The following CLK2 variants were observed in gnomAD, a reference collection of about 807,000 sequenced individuals.
CLK2 encodes CDC like kinase 2.
Under a neutral mutation model 73.5 loss-of-function variants are expected in CLK2, and 12 were observed. That is an observed-to-expected ratio of 0.16 (90% CI 0.10 to 0.26). The LOEUF is 0.26. Ranked by LOEUF, CLK2 falls within the 10% of genes least tolerant of loss-of-function variation. The pLI is 1.00. For missense variants in CLK2, 509 were observed against 688.4 expected (o/e 0.74, Z 2.92); for synonymous variants, 232 against 237.9 (o/e 0.98, Z 0.23).
Position 155,265,974 on chromosome 1 carries a change from G to T in CLK2, c.839-20C>A. On this transcript the variant is annotated intron_variant, in intron 7 of 12. Coordinates refer to ENST00000368361, the MANE Select transcript of CLK2 (RefSeq NM_001294338.2). ...GGAGGACTGTAGGGGAGAAGGCCAG[G>T]TCAGGCTTGGTGCAGGTGGCCAGAG... 6.4e-7 allele frequency: 1 copy of T among 1,557,296 alleles called. No individual in the cohort carries two copies. The highest frequency in any genetic ancestry group is 1.4e-5 in the African/African-American group (1 of 73,848).
chr1:155,270,778 G>C (rs773378165), intron 2 of CLK2, 30 bp downstream of exon 2: 1 of 1,591,058 alleles, frequency 6.3e-7, no homozygotes, highest in South Asian at 1.1e-5. Context: ...GAGTGACCCT[G>C]TGTTTGAGTA....
At chr1:155,269,217 C>T (rs1572019314) in intron 3 of CLK2, 1 of 592,226 alleles carries the variant, frequency 1.7e-6, no homozygotes, top group African/African-American at 1.9e-5. Context: ...AGAGTGGAGG[C>T]CGCTGGGGCG....
Position 155,263,012 on chromosome 1 carries a change from G to T in CLK2, c.*206C>A. ...GGCAGGTGAGGGTGGAAACTGTGTG[G>T]ATGGAATAGTATTATGTACAAGGCA... On this transcript the variant is annotated 3_prime_UTR_variant, in exon 13 of 13. Transcript: ENST00000368361. 1.9e-6 allele frequency: 1 copy of T among 515,480 alleles called. No individual in the cohort carries two copies. The highest frequency in any genetic ancestry group is 3.3e-6 in the Non-Finnish European group (1 of 302,852). The allele number at this position is 515,480 out of a possible 1,614,324, so 31.9% of individuals were successfully genotyped here.
chr1:155,269,373 C>A (rs547787532), intron 3 of CLK2, 115 bp downstream of exon 3: 2 of 902,120 alleles, frequency 2.2e-6, no homozygotes, highest in East Asian at 2.5e-5. Context: ...ACTCAGTGCC[C>A]ACCTCAGTGT....
At chr1:155,265,263 C>T (rs1220091837) in intron 8 of CLK2, among the ~76,000 whole-genome samples, 3 of 152,100 alleles carry the variant, frequency 2.0e-5, no homozygotes, top group Non-Finnish European at 2.9e-5. Context: ...CACAGAAATA[C>T]ACATCTCAAA....
Position 155,268,644 on chromosome 1 carries a change from T to G in CLK2, c.487+64A>C. On this transcript the variant is annotated intron_variant, in intron 4 of 12. Transcript: ENST00000368361. This position sits in a 1 kb window ranked among gnomAD's most constrained non-coding sequence, Gnocchi z 5.6. ...GCAAGAGGCTGTGACTCAGGTTGGC[T>G]TGGGACGTTAGGATGGCTATGGGAC... 1 of 1,471,564 alleles carries G rather than the reference T, an allele frequency of 6.8e-7. No individual in the cohort carries two copies. The highest frequency in any genetic ancestry group is 1.1e-5 in the South Asian group (1 of 88,198). 91.2% of individuals were successfully genotyped at this position (1,471,564 alleles called of 1,614,324 possible). A position where few individuals can be genotyped will look rare whatever the true frequency, so the allele number is the denominator to read the frequency against.
intron 8 of CLK2, among the ~76,000 whole-genome samples, chr1:155,265,145 C>T (rs1033824788): frequency 6.6e-6 from 1 of 152,006 alleles, no homozygotes; most frequent in African/African-American, 2.4e-5. Flanking sequence ...AAAGGAGTTT[C>T]TCTAAAAATA....
chr1:155,264,597 C>A, intron 9 of CLK2, 47 bp from the exon 10 acceptor site: 1 of 1,614,204 alleles, frequency 6.2e-7, no homozygotes, highest in Non-Finnish European at 8.5e-7. Context: ...TTAGGTGGCC[C>A]CACCCTCACA....
chr1:155,270,828 G>A lies in CLK2; in HGVS notation c.150C>T (p.Ser50=), dbSNP rs2148146277. The A allele has an allele frequency of 6.2e-7, 1 of 1,611,474 alleles. No individual in the cohort carries two copies. Among genetic ancestry groups the A allele is most frequent in the Admixed American group, 1.7e-5 (1 of 59,994 alleles). The change falls in exon 2 of 13, where the codon AGC becomes AGT. Residue 50 remains serine (S), a synonymous_variant. Coordinates refer to ENST00000368361, the MANE Select transcript of CLK2 (RefSeq NM_001294338.2). ...CTCACCTTCGAGAACGGACATGGTA[G>A]CTGTCCTCTCGCCGACGCCGTCGTG... The part of the protein sequence containing the change: ...DRTRRRRRED[S]YHVRSRSSYD...
At chr1:155,267,607 A>G (rs542359627) in intron 6 of CLK2, among the ~76,000 whole-genome samples, 2 of 152,260 alleles carry the variant, frequency 1.3e-5, no homozygotes, top group Admixed American at 1.3e-4. Flanking sequence ...TAAAGTCCTT[A>G]TTCTATTTTT....
rs1448426223 is a variant in CLK2, at chr1:155,263,208, G to C, written c.*10C>G. ...CTATAAAAGATGCAGGGGGGCCCAG[G>C]GCCTGATCGTCACCGACTGATATCC... On this transcript the variant is annotated 3_prime_UTR_variant, in exon 13 of 13. Coordinates refer to ENST00000368361, the MANE Select transcript of CLK2 (RefSeq NM_001294338.2). 4 of 1,609,956 alleles carry C rather than the reference G, an allele frequency of 2.5e-6. No individual in the cohort carries two copies. In the East Asian group the frequency reaches 8.9e-5, roughly 36 times the overall value.
At position 155,263,984 on chromosome 1, in the gene CLK2, C is replaced by T. The variant is rs374761483; in HGVS notation, c.1283G>A (p.Gly428Glu). 3 of 1,614,174 alleles carry T rather than the reference C, an allele frequency of 1.9e-6. No homozygotes were observed. The highest frequency in any genetic ancestry group is 2.5e-6 in the Non-Finnish European group (3 of 1,180,032). Residue 428 changes from glycine to glutamate, a missense_variant, in exon 12 of 13, where the codon GGG becomes GAG. Coordinates refer to ENST00000368361, the MANE Select transcript of CLK2 (RefSeq NM_001294338.2). ...TTTGCAGTTCTCACGAACATAGCGC[C>T]CAGCTGATGTGTTCTCATCCCAATC... is the stretch of plus-strand genomic sequence containing the variant. Reference protein sequence around the residue: ...RLDWDENTSAGRYVRENCKPL... With the variant: ...RLDWDENTSAERYVRENCKPL...
Position 155,268,843 on chromosome 1 carries a change from GGCCGGAGGGAGGCGGGGT to G in CLK2, c.400-66_400-49del. ...GGAGCAAGCCAGGTGTCGGAGCGGG[GGCCGGAGGGAGGCGGGGT>G]GGGTGGTAGAGGGGTCACCGGTCAC... is the stretch of plus-strand genomic sequence containing the variant. On this transcript the variant is annotated intron_variant, in intron 3 of 12. Coordinates refer to ENST00000368361, the MANE Select transcript of CLK2 (RefSeq NM_001294338.2). This position sits in a 1 kb window ranked among gnomAD's most constrained non-coding sequence, Gnocchi z 5.6. The G allele has an allele frequency of 1.5e-6, 2 of 1,311,416 alleles. No homozygotes were observed. Among genetic ancestry groups the G allele is most frequent in the Non-Finnish European group, 2.2e-6 (2 of 916,588 alleles). 81.2% of individuals were successfully genotyped at this position (1,311,416 alleles called of 1,614,324 possible).
rs1673075060 is a variant in CLK2 at position 155,263,388 on chromosome 1, A to AG, written c.1329dup (p.Ser444LeufsTer14). 6.2e-7 allele frequency: 1 copy of AG among 1,613,970 alleles called. No individual in the cohort carries two copies. Among genetic ancestry groups the AG allele is most frequent in the Non-Finnish European group, 8.5e-7 (1 of 1,180,034 alleles). ...AGCTGGTGGTGTTCCTCTGCCTCTG[A>AG]GGTCAGATACCGCTGGTGGAGGAGG... is the stretch of plus-strand genomic sequence containing the variant. On this transcript the variant is annotated frameshift_variant, in exon 13 of 13. Coordinates refer to ENST00000368361, the MANE Select transcript of CLK2 (RefSeq NM_001294338.2). LOFTEE classifies it high-confidence loss of function.
rs747366037 is a variant in CLK2, at chr1:155,263,994, T to C, written c.1273A>G (p.Thr425Ala). The change falls in exon 12 of 13, where the codon ACA becomes GCA. Residue 425 changes from threonine (T) to alanine (A), a missense_variant. This residue lies in a region of CLK2 where 134 missense variants were observed against 146.0 expected (regional missense o/e 0.92). Coordinates refer to ENST00000368361, the MANE Select transcript of CLK2 (RefSeq NM_001294338.2). ...YRGRLDWDEN[T>A]SAGRYVRENC... ...TCACGAACATAGCGCCCAGCTGATG[T>C]GTTCTCATCCCAATCCAGGCGACCC... is the stretch of plus-strand genomic sequence containing the variant. 7.4e-6 allele frequency: 12 copies of C among 1,614,220 alleles called. No individual in the cohort carries two copies. The South Asian group carries it at 1.3e-4, about 18-fold the overall frequency.
At chr1:155,269,351 G>T in intron 3 of CLK2, 137 bp downstream of exon 3, 1 of 753,502 alleles carries the variant, frequency 1.3e-6, no homozygotes, top group Non-Finnish European at 2.2e-6. Flanking sequence ...GAGCTTCCAA[G>T]AAAGTAGGCA....
At chr1:155,272,988 A>C (rs1379099030) in intron 1 of CLK2, among the ~76,000 whole-genome samples, 2 of 151,930 alleles carry the variant, frequency 1.3e-5, no homozygotes, top group Non-Finnish European at 2.9e-5. Flanking sequence ...CATCCCTTCT[A>C]GTCTGGTTCC....
Position 155,268,861 on chromosome 1 carries a change from T to TGGGTGGGGGGGCGGGGGGGTGGGGGGGG in CLK2, c.400-67_400-66insCCCCCCCCACCCCCCCGCCCCCCCACCC. The TGGGTGGGGGGGCGGGGGGGTGGGGGGGG allele has an allele frequency of 4.2e-6, 1 of 237,798 alleles. No individual in the cohort carries two copies. The highest frequency in any genetic ancestry group is 7.1e-5 in the African/African-American group (1 of 14,182). The allele number at this position is 237,798 out of a possible 1,614,324, so 14.7% of individuals were successfully genotyped here. A position where few individuals can be genotyped will look rare whatever the true frequency, so the allele number is the denominator to read the frequency against. ...GAGCGGGGGCCGGAGGGAGGCGGGG[T>TGGGTGGGGGGGCGGGGGGGTGGGGGGGG]GGGTGGTAGAGGGGTCACCGGTCAC... On this transcript the variant is annotated intron_variant, in intron 3 of 12. Transcript: ENST00000368361. This position sits in a 1 kb window ranked among gnomAD's most constrained non-coding sequence, Gnocchi z 5.6.
chr1:155,263,759 T>C, intron 12 of CLK2, 191 bp downstream of exon 12: 1 of 974,106 alleles, frequency 1.0e-6, no homozygotes, highest in Non-Finnish European at 1.2e-6. Context: ...AAGGTTAGGC[T>C]GTCTAACCTC....
Sources: allele counts gnomAD v4.1 joint callset (sites outside exome capture counted in the v4.1 genomes callset), GRCh38; gene constraint gnomAD v4.1.1; regional missense constraint gnomAD v4.1.1; non-coding constraint Gnocchi (gnomAD v3.1); transcripts MANE v1.5; gene names NCBI Gene and HGNC (gene_info 2026-07-23, HGNC 2026-07-21).